The following HAUS6 variants were observed in gnomAD, a reference collection of about 807,000 sequenced individuals.
HAUS6 encodes the protein HAUS augmin-like complex subunit 6.
Under a neutral mutation model 106.8 loss-of-function variants are expected in HAUS6, and 80 were observed. That is an observed-to-expected ratio of 0.75 (90% CI 0.63 to 0.90). The LOEUF (loss-of-function observed/expected upper bound fraction) is 0.90, where lower values mean the gene tolerates loss of function less well. Among genes scored for constraint, HAUS6 ranks in the 40% least tolerant of loss-of-function variants. The pLI is 0.00. For synonymous variants in HAUS6, 356 were observed against 379.1 expected, an observed-to-expected ratio of 0.94 and a Z score of 0.71; for missense variants, 1,155 against 1,118.1, an observed-to-expected ratio of 1.03 and a Z score of -0.47.
chr9:19,082,226 G>A (rs1038831715), intron 8 of HAUS6, among the ~76,000 whole-genome samples: 2 of 152,088 alleles, frequency 1.3e-5, no homozygotes, highest in Admixed American at 6.6e-5. Flanking sequence ...ACAAACCAGG[G>A]GATGGAGACT....
chr9:19,063,908 C>A, intron 12 of HAUS6: 1 of 404,960 alleles, frequency 2.5e-6, no homozygotes, highest in Non-Finnish European at 4.8e-6. Context: ...TTAACTAGAA[C>A]TGCATTATTA....
Position 19,102,558 on chromosome 9 carries a change from AGGCAAT to A in HAUS6, c.88_93del (p.Ile30_Ala31del). The stretch of plus-strand genomic sequence containing the variant: ...TGCGTGTGCGACACGATCTTTCCGC[AGGCAAT>A]GGTTGCCGGGCCTGGCTCGAAGCCG... On this transcript the variant is annotated inframe_deletion, in exon 1 of 17. Transcript: ENST00000380502. 1 of 1,613,806 alleles carries A rather than the reference AGGCAAT, an allele frequency of 6.2e-7. No individual in the cohort carries two copies. The highest frequency in any genetic ancestry group is 8.5e-7 in the Non-Finnish European group (1 of 1,179,830).
chr9:19,058,444 T>C lies in HAUS6; in HGVS notation c.2323A>G (p.Ile775Val), dbSNP rs1836530471. Residue 775 changes from isoleucine (I) to valine (V), a missense_variant, in exon 16 of 17, where the codon ATA becomes GTA. Ile to Val is a conservative substitution (Grantham distance 29, BLOSUM62 3). Coordinates refer to ENST00000380502, the MANE Select transcript of HAUS6 (RefSeq NM_017645.5). Reference protein sequence around the residue: ...SKSFKDNDFGILHETLPEEVG... With the variant: ...SKSFKDNDFGVLHETLPEEVG... Reference sequence around the variant, plus strand: ...TCTTCCGGGAGAGTTTCGTGTAATATGCCAAAATCATTATCTTTAAAACTC... The same window carrying C: ...TCTTCCGGGAGAGTTTCGTGTAATACGCCAAAATCATTATCTTTAAAACTC... The C allele has an allele frequency of 2.5e-6, 4 of 1,599,824 alleles. 1 individual carries two copies. The South Asian group carries it at 4.4e-5, about 18-fold the overall frequency.
At chr9:19,091,287 G>A (rs926971844) in intron 4 of HAUS6, among the ~76,000 whole-genome samples, 1 of 148,482 alleles carries the variant, frequency 6.7e-6, no homozygotes, top group East Asian at 2.0e-4. Flanking sequence ...GCAACAGAGT[G>A]AGACTTCGTC....
At chr9:19,093,962 G>A (rs999392534) in intron 3 of HAUS6, among the ~76,000 whole-genome samples, 5 of 152,206 alleles carry the variant, frequency 3.3e-5, no homozygotes, top group East Asian at 1.9e-4. Flanking sequence ...TAAACTCTAC[G>A]TGGACCTGGT....
intron 11 of HAUS6, among the ~76,000 whole-genome samples, chr9:19,070,773 G>A (rs777818820): frequency 7.2e-5 from 11 of 152,310 alleles, no homozygotes; most frequent in Admixed American, 2.0e-4. Context: ...TGTTGCCTCC[G>A]AAGAGTCAGT....
At chr9:19,080,368 G>A in intron 9 of HAUS6, 111 bp downstream of exon 9, 1 of 681,622 alleles carries the variant, frequency 1.5e-6, no homozygotes, top group Non-Finnish European at 2.6e-6. Context: ...TTGAGTATTA[G>A]AATTCTCATA....
chr9:19,073,459 C>G (rs975140941), intron 11 of HAUS6, among the ~76,000 whole-genome samples: 3 of 150,822 alleles, frequency 2.0e-5, no homozygotes, highest in African/African-American at 7.3e-5. Flanking sequence ...CAACTTCCAA[C>G]TGGACTTCCT....
chr9:19,090,869 T>A (rs1427307794), intron 4 of HAUS6, among the ~76,000 whole-genome samples: 1 of 152,198 alleles, frequency 6.6e-6, no homozygotes, highest in Non-Finnish European at 1.5e-5. Flanking sequence ...TGTAAATATT[T>A]CAGAGTTCAG....
intron 13 of HAUS6, 143 bp downstream of exon 13, chr9:19,063,371 T>A: frequency 1.5e-6 from 1 of 655,732 alleles, no homozygotes; most frequent in South Asian, 2.2e-5. Context: ...CAATAAGGAA[T>A]ATAAGTAGAT....
At chr9:19,096,194 A>AT (rs1254189831) in intron 2 of HAUS6, among the ~76,000 whole-genome samples, 2 of 152,214 alleles carry the variant, frequency 1.3e-5, no homozygotes, top group African/African-American at 4.8e-5. Context: ...ATTTATAAAG[A>AT]TTAAGTATTA....
At chr9:19,078,357 T>C (rs1837057590) in intron 9 of HAUS6, 55 bp from the exon 10 acceptor site, 1 of 1,054,978 alleles carries the variant, frequency 9.5e-7, no homozygotes, top group Non-Finnish European at 1.4e-6. Flanking sequence ...AAGCACTGAG[T>C]AAAATTTAAG....
chr9:19,066,579 CCA>C (rs375344715), intron 12 of HAUS6, among the ~76,000 whole-genome samples: 96 of 141,748 alleles, frequency 6.8e-4, no homozygotes, highest in African/African-American at 2.2e-3. Flanking sequence ...GAACTCCCCC[CCA>C]CACACACAAA....
chr9:19,059,377 T>C (rs79496568), intron 15 of HAUS6, among the ~76,000 whole-genome samples: 1,870 of 152,320 alleles, frequency 0.012, 38 homozygotes, highest in African/African-American at 0.043. Flanking sequence ...TGTCAACTAC[T>C]TAACTCTGCC....
chr9:19,063,380 A>G (rs537858918), intron 13 of HAUS6, 134 bp downstream of exon 13: 1 of 653,108 alleles, frequency 1.5e-6, no homozygotes, highest in Non-Finnish European at 2.6e-6. Flanking sequence ...ATATAAGTAG[A>G]TATGGTACAA....
chr9:19,087,227 T>C, intron 5 of HAUS6, 71 bp from the exon 6 acceptor site: 1 of 885,934 alleles, frequency 1.1e-6, no homozygotes, highest in Admixed American at 1.8e-5. Context: ...CTTCTCTATT[T>C]TCCCTTTGCA....
At chr9:19,091,164 G>C (rs763601951) in intron 4 of HAUS6, among the ~76,000 whole-genome samples, 5 of 152,076 alleles carry the variant, frequency 3.3e-5, no homozygotes, top group Non-Finnish European at 7.4e-5. Context: ...AGCAGGCATG[G>C]TGGCGCATGC....
In HAUS6 at chr9:19,090,638, T is replaced by C. The variant is rs571867655; in HGVS notation, c.437-1079A>G. On this transcript the variant is annotated intron_variant, in intron 4 of 16. Coordinates refer to ENST00000380502, the MANE Select transcript of HAUS6 (RefSeq NM_017645.5). ...CTGACCTCCCAAAGTGCTGGGATTATAGGCGTGAGCCACCTCGCCCAGCCA... is the reference window on the plus strand; with the variant it reads ...CTGACCTCCCAAAGTGCTGGGATTACAGGCGTGAGCCACCTCGCCCAGCCA... 2.2e-3 allele frequency among the ~76,000 whole-genome samples: 328 copies of C among 152,282 alleles called. 3 individuals carry two copies. The highest frequency in any genetic ancestry group is 1.0e-3 in the African/African-American group (43 of 41,578).
At chr9:19,099,154 T>A (rs1338522596) in intron 1 of HAUS6, among the ~76,000 whole-genome samples, 3 of 150,612 alleles carry the variant, frequency 2.0e-5, no homozygotes, top group African/African-American at 7.4e-5. Context: ...TGGGGTTTTT[T>A]TTGTTTGTTT....
Sources: gnomAD v4.1 joint callset for allele counts (sites outside exome capture counted in the v4.1 genomes callset) on GRCh38, gnomAD v4.1.1 for gene constraint, MANE v1.5 for transcripts, NCBI Gene and HGNC (gene_info 2026-07-23, HGNC 2026-07-21) for gene names.